The following CACNA1F variants were observed in gnomAD, a reference collection of about 807,000 sequenced individuals.
CACNA1F encodes calcium voltage-gated channel subunit alpha1 F.
Under a neutral mutation model 143.8 loss-of-function variants are expected in CACNA1F, and 59 were observed. The ratio of observed to expected loss-of-function variants is 0.41; its 90% confidence interval spans 0.33 to 0.51. CACNA1F has a LOEUF of 0.51. Ranked by LOEUF, CACNA1F falls within the 20% of genes least tolerant of loss-of-function variation. CACNA1F has a pLI of 0.22. For missense variants in CACNA1F, 1,411 were observed against 1,647.5 expected (o/e 0.86, Z 2.48); for synonymous variants, 643 against 649.1 (o/e 0.99, Z 0.14).
rs1352913123 is a variant in CACNA1F at position 49,205,320 on chromosome X, G to A, written c.5718C>T (p.Phe1906=). The A allele has an allele frequency of 1.7e-6, 2 of 1,209,103 alleles. No individual in the cohort carries two copies. Among genetic ancestry groups the A allele is most frequent in the South Asian group, 3.5e-5 (2 of 56,559 alleles). The change falls in exon 48 of 48, where the codon TTC becomes TTT. Residue 1906 remains phenylalanine, a synonymous_variant. Transcript: ENST00000323022. ...GLGLFARDPR[F]VALAKQEIAD... ...CAATCTCCTGCTTGGCCAGGGCCAC[G>A]AAACGTGGGTCTCGAGCAAAGAGGC...
chrX:49,211,300 G>T (rs781860423), intron 36 of CACNA1F, 22 bp downstream of exon 36: 2 of 1,209,786 alleles, frequency 1.7e-6, no homozygotes, highest in Non-Finnish European at 2.2e-6. Flanking sequence ...GGTGGTGGTG[G>T]TTGTGAGGAA....
chrX:49,218,981 C>T (rs1602640288), intron 21 of CACNA1F, 40 bp from the exon 22 acceptor site: 5 of 1,074,494 alleles, frequency 4.7e-6, no homozygotes, highest in Middle Eastern at 2.5e-4. Context: ...TGAGTCACGG[C>T]TGAGGGGGAT....
At position 49,226,970 on chromosome X, in the gene CACNA1F, C is replaced by T. The variant is rs187692206; in HGVS notation, c.1276G>A (p.Gly426Arg). The T allele has an allele frequency of 6.6e-6, 8 of 1,211,990 alleles. No homozygotes were observed. Among genetic ancestry groups the T allele is most frequent in the Non-Finnish European group, 8.9e-6 (8 of 895,465 alleles). The change falls in exon 9 of 48, where the codon GGG becomes AGG. Residue 426 changes from glycine to arginine, a missense_variant and splice_region_variant. Physicochemically the swap from Gly to Arg is moderately radical, Grantham distance 125 (BLOSUM62 -2). This residue lies in a region of CACNA1F where 950 missense variants were observed against 1,128.1 expected (regional missense o/e 0.84). Transcript: ENST00000323022. ...GCCCGGCCCTCTTCAGCCATAGAACCAAGGTTGTCATCGGCGGAGGGGTCC... is the reference window on the plus strand; with the variant it reads ...GCCCGGCCCTCTTCAGCCATAGAACTAAGGTTGTCATCGGCGGAGGGGTCC... ...MEDPSADDNLGPQLAELTNRR... is the reference protein window; with the variant it reads ...MEDPSADDNLRPQLAELTNRR...
intron 42 of CACNA1F, 58 bp from the exon 43 acceptor site, chrX:49,208,742 A>G: frequency 1.9e-6 from 2 of 1,059,376 alleles, no homozygotes; most frequent in Admixed American, 4.4e-5. Context: ...TCATTTGGTC[A>G]TATAACATGT....
At chrX:49,225,039 G>A in intron 13 of CACNA1F, 53 bp from the exon 14 acceptor site, 1 of 861,858 alleles carries the variant, frequency 1.2e-6, no homozygotes, top group Non-Finnish European at 1.7e-6. Flanking sequence ...GTGGTGACAT[G>A]TGGGGAGGTA....
In CACNA1F at chrX:49,215,553, C is replaced by T. The variant is rs371955079; in HGVS notation, c.3237-10G>A. On this transcript the variant is annotated splice_polypyrimidine_tract_variant and intron_variant, in intron 27 of 47. Coordinates refer to ENST00000323022, the MANE Select transcript of CACNA1F (RefSeq NM_001256789.3). Reference sequence around the variant, plus strand: ...GGCCTTGTATAGCAGTCTGTGGGAGCCAGAGGGGGGGTAGAGGTGGGGGCA... The same window carrying T: ...GGCCTTGTATAGCAGTCTGTGGGAGTCAGAGGGGGGGTAGAGGTGGGGGCA... The T allele has an allele frequency of 1.4e-4, 163 of 1,137,412 alleles. No homozygotes were observed. The highest frequency in any genetic ancestry group is 1.9e-4 in the Non-Finnish European group (155 of 837,143). The allele number at this position is 1,137,412 out of a possible 1,213,427, so 93.7% of individuals were successfully genotyped here.
chrX:49,225,137 T>C (rs2065811524), intron 13 of CACNA1F, 151 bp from the exon 14 acceptor site: 2 of 507,400 alleles, frequency 3.9e-6, no homozygotes, highest in Non-Finnish European at 7.1e-6. Context: ...TGGGGTGAGT[T>C]TGTAGGTCAG....
chrX:49,215,064 G>A (rs1215128671), intron 29 of CACNA1F, 22 bp downstream of exon 29: 4 of 1,191,243 alleles, frequency 3.4e-6, no homozygotes, highest in Admixed American at 2.2e-5. Context: ...AGTCTGGCGG[G>A]GGTCAGGCAG....
rs185254714 is a variant in CACNA1F, at chrX:49,220,912, C to G, written c.2334+123G>C. 6.3e-3 allele frequency: 3,940 copies of G among 630,307 alleles called. 20 individuals carry two copies. The highest frequency in any genetic ancestry group is 0.042 in the Middle Eastern group (132 of 3,159). The allele number at this position is 630,307 out of a possible 1,213,427, so 51.9% of individuals were successfully genotyped here. ...CGAGATGGCACAACTGCACTCCAGC[C>G]TGGGCGACAGAGTGAGACTCTATCT... On this transcript the variant is annotated intron_variant, in intron 18 of 47. Coordinates refer to ENST00000323022, the MANE Select transcript of CACNA1F (RefSeq NM_001256789.3).
chrX:49,216,362 C>A lies in CACNA1F; in HGVS notation c.3236+20G>T. ...GACCCCTGCCTCATCCCCTGATAAA[C>A]CCAGGGCCCTGTCCCTCACGCAGGC... On this transcript the variant is annotated intron_variant, in intron 27 of 47. Transcript: ENST00000323022. 1 of 1,208,120 alleles carries A rather than the reference C, an allele frequency of 8.3e-7. No homozygotes were observed. Among genetic ancestry groups the A allele is most frequent in the Non-Finnish European group, 1.1e-6 (1 of 892,265 alleles).
Position 49,210,577 on chromosome X carries a change from C to T in CACNA1F, c.4485+13G>A. ...GTTCTCTCAGGAGCCTGGGGGTGGGCAGGTGCACAGACCTTGCAGGCCACT... is the reference window on the plus strand; with the variant it reads ...GTTCTCTCAGGAGCCTGGGGGTGGGTAGGTGCACAGACCTTGCAGGCCACT... On this transcript the variant is annotated intron_variant, in intron 38 of 47. Transcript: ENST00000323022. The T allele has an allele frequency of 8.4e-7, 1 of 1,190,815 alleles. No individual in the cohort carries two copies.
intron 43 of CACNA1F, 24 bp downstream of exon 43, chrX:49,208,491 C>T (rs887768231): frequency 6.0e-6 from 6 of 1,003,040 alleles, no homozygotes; most frequent in Non-Finnish European, 6.5e-6. Context: ...CCCTCACAAT[C>T]TACTTCCAGA....
intron 4 of CACNA1F, 53 bp downstream of exon 4, chrX:49,230,796 CG>C: frequency 8.7e-7 from 1 of 1,145,844 alleles, no homozygotes; most frequent in Non-Finnish European, 1.2e-6. Flanking sequence ...CAGAATTCAG[CG>C]GGCCTGACGG....
intron 8 of CACNA1F, 49 bp downstream of exon 8, chrX:49,227,987 G>A: frequency 1.1e-6 from 1 of 884,730 alleles, no homozygotes; most frequent in Non-Finnish European, 1.7e-6. Flanking sequence ...GCACAAAGAA[G>A]TGGGCAGTGG....
chrX:49,231,565 A>G, intron 2 of CACNA1F, 113 bp downstream of exon 2: 2 of 1,009,652 alleles, frequency 2.0e-6, no homozygotes, highest in Non-Finnish European at 2.8e-6. Context: ...CCAGTTCTTG[A>G]CTCTTGACCT....
Position 49,209,300 on chromosome X carries a change from C to T in CACNA1F, c.4915G>A (p.Val1639Met), listed in dbSNP as rs1557105645. 6 of 1,195,458 alleles carry T rather than the reference C, an allele frequency of 5.0e-6. No individual in the cohort carries two copies. Among genetic ancestry groups the T allele is most frequent in the Admixed American group, 2.2e-5 (1 of 45,195 alleles). ...EEEEEEGQEGVEEEDEKDLET... is the reference protein window; with the variant it reads ...EEEEEEGQEGMEEEDEKDLET... ...AAGTCCTTTTCATCTTCCTCCTCCA[C>T]TCCCTCCTGCCCCTCTTCTTCCTCC... Residue 1639 changes from valine to methionine, a missense_variant, in exon 42 of 48, where the codon GTG becomes ATG. Transcript: ENST00000323022.
intron 21 of CACNA1F, 112 bp from the exon 22 acceptor site, chrX:49,219,053 C>A (rs1207611922): frequency 2.5e-5 from 17 of 690,637 alleles, no homozygotes; most frequent in Non-Finnish European, 3.7e-5. Flanking sequence ...TTGGACCCTT[C>A]TGCCTCTACC....
At position 49,206,719 on chromosome X, in the gene CACNA1F, T is replaced by C. The variant is rs2065600393; in HGVS notation, c.5359+9A>G. On this transcript the variant is annotated intron_variant, in intron 45 of 47. Transcript: ENST00000323022. ...CGTGGGGGCCCCTTGGATCCATCCC[T>C]GCTCTCACCTGCAGGTGTGGGGGGC... 1 of 1,203,019 alleles carries C rather than the reference T, an allele frequency of 8.3e-7. No individual in the cohort carries two copies. Among genetic ancestry groups the C allele is most frequent in the African/African-American group, 1.7e-5 (1 of 57,459 alleles).
rs2065746715 is a variant in CACNA1F, at chrX:49,218,926, C to T, written c.2689G>A (p.Asp897Asn). ...GTGAAAATGGAGGTGAAGGCATAAT[C>T]GAAGTAACCCAGAATCTGGGGTGTG... The part of the protein sequence containing the change: ...SFRNHILGYF[D>N]YAFTSIFTVE... Residue 897 changes from aspartate to asparagine, a missense_variant, in exon 22 of 48, where the codon GAT becomes AAT. This residue lies in a region of CACNA1F where 950 missense variants were observed against 1,128.1 expected (regional missense o/e 0.84). Coordinates refer to ENST00000323022, the MANE Select transcript of CACNA1F (RefSeq NM_001256789.3). 6 of 1,206,674 alleles carry T rather than the reference C, an allele frequency of 5.0e-6. No homozygotes were observed. The highest frequency in any genetic ancestry group is 2.2e-5 in the Admixed American group (1 of 45,897).
Sources: allele counts gnomAD v4.1 joint callset, GRCh38; gene constraint gnomAD v4.1.1; regional missense constraint gnomAD v4.1.1; transcripts MANE v1.5; gene names NCBI Gene and HGNC (gene_info 2026-07-23, HGNC 2026-07-21).